The following PLXDC2 variants were observed in gnomAD, a reference collection of about 807,000 sequenced individuals.
PLXDC2 encodes the protein plexin domain-containing protein 2.
PLXDC2 carries 40 observed loss-of-function variants against 68.9 expected under a neutral mutation model. That is an observed-to-expected ratio of 0.58 (90% CI 0.45 to 0.76). PLXDC2 has a LOEUF of 0.76. Ranked by LOEUF, PLXDC2 falls within the 30% of genes least tolerant of loss-of-function variation. The pLI is 0.00. For missense variants in PLXDC2, 644 were observed against 661.9 expected, an observed-to-expected ratio of 0.97 and a Z score of 0.30; for synonymous variants, 243 against 234.2, an observed-to-expected ratio of 1.04 and a Z score of -0.34.
At chr10:20,033,861 T>C (rs1223394985) in intron 2 of PLXDC2, among the ~76,000 whole-genome samples, 1 of 152,208 alleles carries the variant, frequency 6.6e-6, no homozygotes, top group East Asian at 1.9e-4. Context: ...TAAAGCTATG[T>C]TTTCTCTTTA....
chr10:19,864,996 A>G (rs890662586), intron 1 of PLXDC2, among the ~76,000 whole-genome samples: 1 of 152,206 alleles, frequency 6.6e-6, no homozygotes, highest in Non-Finnish European at 1.5e-5. Flanking sequence ...TTCACAGAAG[A>G]CAGAGAGGAT....
Position 20,012,336 on chromosome 10 carries a change from G to GTTTTTTTT in PLXDC2, c.324+10350_324+10351insTTTTTTTT, listed in dbSNP as rs1564656425. ...TTTTTTTTTTTTTTTTTTTTTTTTG[G>GTTTTTTTT]AGAAGGAGACTTGCTGTGTTTCCCA... On this transcript the variant is annotated intron_variant, in intron 2 of 13. Transcript: ENST00000377252. 6.9e-4 allele frequency among the ~76,000 whole-genome samples: 23 copies of GTTTTTTTT among 33,160 alleles called. 8 individuals are homozygous for GTTTTTTTT. Among genetic ancestry groups the GTTTTTTTT allele is most frequent in the African/African-American group, 1.3e-3 (13 of 10,328 alleles). 21.8% of individuals were successfully genotyped at this position (33,160 alleles called of 152,430 possible). A position where few individuals can be genotyped will look rare whatever the true frequency, so the allele number is the denominator to read the frequency against.
At chr10:20,218,998 C>A in intron 11 of PLXDC2, 66 bp from the exon 12 acceptor site, 1 of 1,551,734 alleles carries the variant, frequency 6.4e-7, no homozygotes, top group South Asian at 1.2e-5. Flanking sequence ...AATTACTAGT[C>A]ATAAGATTTA....
At chr10:20,231,332 A>G (rs974585312) in intron 12 of PLXDC2, among the ~76,000 whole-genome samples, 3 of 150,902 alleles carry the variant, frequency 2.0e-5, no homozygotes, top group African/African-American at 7.3e-5. Flanking sequence ...GTACTATAAG[A>G]AAAATTACAA....
chr10:20,256,107 C>A (rs1835739013), intron 13 of PLXDC2, among the ~76,000 whole-genome samples: 1 of 151,514 alleles, frequency 6.6e-6, no homozygotes, highest in Admixed American at 6.6e-5. Flanking sequence ...TTTTTCTATT[C>A]AACTTTTTTT....
intron 13 of PLXDC2, among the ~76,000 whole-genome samples, chr10:20,258,765 T>G (rs1053438410): frequency 6.6e-6 from 1 of 152,104 alleles, no homozygotes; most frequent in African/African-American, 2.4e-5. Flanking sequence ...CCCAGCACTT[T>G]GGGAGGCCGA....
At chr10:20,175,169 A>G (rs945575214) in intron 7 of PLXDC2, among the ~76,000 whole-genome samples, 6 of 152,186 alleles carry the variant, frequency 3.9e-5, no homozygotes, top group Admixed American at 3.9e-4. Flanking sequence ...AGTGTATCTA[A>G]TATGTATTGA....
chr10:20,019,284 G>C (rs1269099264), intron 2 of PLXDC2, among the ~76,000 whole-genome samples: 1 of 152,148 alleles, frequency 6.6e-6, no homozygotes, highest in Non-Finnish European at 1.5e-5. Flanking sequence ...CAAGACACTG[G>C]TTTTAGAGGT....
At chr10:20,197,369 G>C (rs947448661) in intron 9 of PLXDC2, among the ~76,000 whole-genome samples, 7 of 152,088 alleles carry the variant, frequency 4.6e-5, no homozygotes, top group Admixed American at 4.6e-4. Flanking sequence ...TTGTTTGTTT[G>C]TTTGTTTGAA....
At chr10:19,935,103 G>C (rs558018299) in intron 1 of PLXDC2, among the ~76,000 whole-genome samples, 1 of 152,300 alleles carries the variant, frequency 6.6e-6, no homozygotes, top group Admixed American at 6.5e-5. Context: ...TCATTTATCT[G>C]TGGGGGCTTT....
chr10:19,907,198 C>T (rs1343778895), intron 1 of PLXDC2, among the ~76,000 whole-genome samples: 1 of 152,110 alleles, frequency 6.6e-6, no homozygotes, highest in African/African-American at 2.4e-5. Flanking sequence ...AAATTCTAGC[C>T]TTAAGATGAT....
At chr10:20,206,857 CACACACACACACACACAG>C (rs1472600889) in intron 9 of PLXDC2, among the ~76,000 whole-genome samples, 2 of 147,636 alleles carry the variant, frequency 1.4e-5, no homozygotes, top group African/African-American at 5.3e-5. Flanking sequence ...GAAACACACA[CACACACACACACACACAG>C]ACACACACAC....
intron 1 of PLXDC2, among the ~76,000 whole-genome samples, chr10:19,934,603 G>A (rs1008280562): frequency 3.9e-5 from 6 of 152,108 alleles, no homozygotes; most frequent in African/African-American, 9.7e-5. Context: ...AATCAAATTC[G>A]CCTATAATTT....
intron 13 of PLXDC2, among the ~76,000 whole-genome samples, chr10:20,274,849 C>G (rs1014722380): frequency 4.0e-5 from 6 of 148,712 alleles, no homozygotes; most frequent in African/African-American, 1.5e-4. Context: ...ATACATGACA[C>G]TCATGTGAAT....
At chr10:20,095,780 T>G (rs1267388861) in intron 4 of PLXDC2, among the ~76,000 whole-genome samples, 3 of 152,060 alleles carry the variant, frequency 2.0e-5, no homozygotes, top group Admixed American at 6.6e-5. Context: ...CTGGTGGTAG[T>G]TTGGAGTGGA....
intron 1 of PLXDC2, among the ~76,000 whole-genome samples, chr10:19,820,844 G>T (rs904824633): frequency 6.6e-6 from 1 of 152,136 alleles, no homozygotes; most frequent in African/African-American, 2.4e-5. Flanking sequence ...TTGGGAGGCC[G>T]AGGTGGGCGG....
chr10:20,026,858 A>G (rs1251058496), intron 2 of PLXDC2, among the ~76,000 whole-genome samples: 5 of 146,168 alleles, frequency 3.4e-5, no homozygotes, highest in Admixed American at 1.4e-4. Context: ...ATATATTCTA[A>G]TATATAGAAT....
intron 6 of PLXDC2, among the ~76,000 whole-genome samples, chr10:20,158,389 C>A (rs1206793775): frequency 6.7e-6 from 1 of 148,264 alleles, no homozygotes; most frequent in East Asian, 2.0e-4. Flanking sequence ...AATAGCTATA[C>A]TTCTAAATAG....
chr10:20,233,864 A>T (rs1365385453), intron 12 of PLXDC2, among the ~76,000 whole-genome samples: 1 of 152,152 alleles, frequency 6.6e-6, no homozygotes, highest in Non-Finnish European at 1.5e-5. Context: ...TCTGTCACCC[A>T]GGCTAGAGTG....
Sources: gnomAD v4.1 joint callset for allele counts (sites outside exome capture counted in the v4.1 genomes callset) on GRCh38, gnomAD v4.1.1 for gene constraint, MANE v1.5 for transcripts, NCBI Gene and HGNC (gene_info 2026-07-23, HGNC 2026-07-21) for gene names.